The following GOLM1 variants were observed in gnomAD, a reference collection of about 807,000 sequenced individuals.
The protein encoded by GOLM1 is epididymis luminal protein 46.
A neutral mutation model predicts 50.5 loss-of-function variants in GOLM1; 31 were observed. The observed-to-expected ratio is 0.61, with a 90% CI of 0.46 to 0.83. The LOEUF is 0.83. Ranked by LOEUF, GOLM1 falls within the 40% of genes least tolerant of loss-of-function variation. The pLI, the probability that GOLM1 is intolerant of heterozygous loss-of-function variation, is 0.00. For synonymous variants in GOLM1, 178 were observed against 192.8 expected (o/e 0.92, Z 0.64); for missense variants, 491 against 501.3 (o/e 0.98, Z 0.20).
chr9:86,078,034 G>C, intron 2 of GOLM1: 1 of 161,798 alleles, frequency 6.2e-6, no homozygotes, highest in Non-Finnish European at 1.4e-5. Context: ...AGGAACTCCC[G>C]TGGAAGCTGA....
chr9:86,085,453 G>GTTTTTTTT (rs11397922), intron 1 of GOLM1, among the ~76,000 whole-genome samples: 3 of 93,180 alleles, frequency 3.2e-5, no homozygotes, highest in African/African-American at 4.8e-5. Flanking sequence ...CAAAGTTTTT[G>GTTTTTTTT]TTTTTTTTTT....
At chr9:86,084,804 C>T (rs561676914) in intron 1 of GOLM1, 1 of 152,282 alleles carries the variant, frequency 6.6e-6, no homozygotes, top group East Asian at 1.9e-4. Flanking sequence ...AATTCCAGCA[C>T]TTTAGGAGGC....
At position 86,035,512 on chromosome 9, in the gene GOLM1, C is replaced by G. The variant is rs141196207; in HGVS notation, c.871G>C (p.Gly291Arg). The G allele has an allele frequency of 1.9e-6, 3 of 1,612,810 alleles. No homozygotes were observed. The highest frequency in any genetic ancestry group is 1.1e-5 in the South Asian group (1 of 91,060). ...GTCTGGCCCAGTTCTCCGGCTCCCC[C>G]GAAGCCTCTTCCACCTACAGGTCTG... ...EDRPVGGRGF[G>R]GAGELGQTPQ... Residue 291 changes from glycine (G) to arginine (R), a missense_variant, in exon 8 of 10, where the codon GGG becomes CGG. Physicochemically the swap from Gly to Arg is moderately radical, Grantham distance 125. Transcript: ENST00000388712.
chr9:86,067,970 G>A (rs1448967628), intron 3 of GOLM1, among the ~76,000 whole-genome samples: 1 of 151,860 alleles, frequency 6.6e-6, no homozygotes, highest in Non-Finnish European at 1.5e-5. Context: ...CACATCACTG[G>A]ACTCCAGCCT....
chr9:86,056,803 CA>C (rs1325322241), intron 3 of GOLM1, among the ~76,000 whole-genome samples: 4 of 150,492 alleles, frequency 2.7e-5, no homozygotes, highest in South Asian at 2.1e-4. Flanking sequence ...TGCACCCAGC[CA>C]AAAAAAAATT....
At chr9:86,060,574 T>C (rs543765065) in intron 3 of GOLM1, among the ~76,000 whole-genome samples, 1 of 152,154 alleles carries the variant, frequency 6.6e-6, no homozygotes, top group Admixed American at 6.5e-5. Context: ...TTATGTTTTG[T>C]GGGTTAAGAA....
At chr9:86,029,905 C>G (rs1350171119) in intron 9 of GOLM1, among the ~76,000 whole-genome samples, 2 of 151,914 alleles carry the variant, frequency 1.3e-5, no homozygotes, top group Non-Finnish European at 2.9e-5. Context: ...TAGTAGGAAA[C>G]TAGGCCCAAT....
At chr9:86,031,206 T>A (rs1210413894) in intron 9 of GOLM1, among the ~76,000 whole-genome samples, 2 of 150,024 alleles carry the variant, frequency 1.3e-5, no homozygotes, top group African/African-American at 5.0e-5. Flanking sequence ...TGAGACTCCA[T>A]CTGAGGAAGA....
At chr9:86,055,819 A>G (rs1265442971) in intron 3 of GOLM1, among the ~76,000 whole-genome samples, 1 of 152,190 alleles carries the variant, frequency 6.6e-6, no homozygotes, top group East Asian at 1.9e-4. Context: ...TTTAGTGAGC[A>G]TCGAGACCCA....
chr9:86,075,648 C>T (rs947891732), intron 3 of GOLM1, among the ~76,000 whole-genome samples: 3 of 152,188 alleles, frequency 2.0e-5, no homozygotes, highest in Non-Finnish European at 2.9e-5. Context: ...TAAAATCCTC[C>T]TGCAGCTAAG....
At chr9:86,034,098 G>A (rs1318730923) in intron 8 of GOLM1, among the ~76,000 whole-genome samples, 2 of 151,940 alleles carry the variant, frequency 1.3e-5, no homozygotes, top group Admixed American at 6.6e-5. Flanking sequence ...CCGAGTGGCT[G>A]GGATTACAGG....
intron 6 of GOLM1, among the ~76,000 whole-genome samples, chr9:86,038,160 G>GAA (rs552680791): frequency 4.5e-5 from 4 of 88,388 alleles, no homozygotes; most frequent in African/African-American, 1.1e-4. Flanking sequence ...AACACCAAAA[G>GAA]AAAAAAAAAA....
intron 2 of GOLM1, among the ~76,000 whole-genome samples, chr9:86,078,665 A>C (rs985451814): frequency 2.0e-5 from 3 of 152,338 alleles, no homozygotes; most frequent in Admixed American, 2.0e-4. Flanking sequence ...AGTTCAATCA[A>C]GAGGAGCATC....
chr9:86,064,757 A>T (rs1295157224), intron 3 of GOLM1, among the ~76,000 whole-genome samples: 2 of 152,178 alleles, frequency 1.3e-5, no homozygotes, highest in Admixed American at 1.3e-4. Flanking sequence ...GCACCCTTCC[A>T]GGTTAGACAC....
intron 9 of GOLM1, among the ~76,000 whole-genome samples, chr9:86,032,476 G>A (rs1833015244): frequency 6.6e-6 from 1 of 152,158 alleles, no homozygotes; most frequent in East Asian, 1.9e-4. Context: ...CCAGAAAAAT[G>A]AATTTTAAGA....
chr9:86,089,924 C>T (rs958390690), intron 1 of GOLM1, among the ~76,000 whole-genome samples: 5 of 152,160 alleles, frequency 3.3e-5, no homozygotes, highest in African/African-American at 1.2e-4. Flanking sequence ...TATTGGTGAA[C>T]TTCAGATGGG....
At chr9:86,078,665 A>G (rs985451814) in intron 2 of GOLM1, among the ~76,000 whole-genome samples, 1 of 152,220 alleles carries the variant, frequency 6.6e-6, no homozygotes, top group Admixed American at 6.5e-5. Flanking sequence ...AGTTCAATCA[A>G]GAGGAGCATC....
At chr9:86,099,610 G>A (rs918836066), upstream of GOLM1, 6 of 148,348 alleles carry the variant, frequency 4.0e-5, no homozygotes, top group Non-Finnish European at 1.5e-5. Context: ...CGGCGCGAAG[G>A]GAGGAGGCGG....
chr9:86,073,541 A>G (rs1003002436), intron 3 of GOLM1, among the ~76,000 whole-genome samples: 1 of 152,068 alleles, frequency 6.6e-6, no homozygotes. Flanking sequence ...GGGGTGCACA[A>G]CTCCCCAGGT....
Sources: gnomAD v4.1 joint callset for allele counts (sites outside exome capture counted in the v4.1 genomes callset) on GRCh38, gnomAD v4.1.1 for gene constraint, MANE v1.5 for transcripts, NCBI Gene and HGNC (gene_info 2026-07-23, HGNC 2026-07-21) for gene names.